KCND2: variants seen among roughly 807,000 people sequenced by gnomAD.
KCND2 encodes potassium voltage-gated channel subfamily D member 2.
A neutral mutation model predicts 54.4 loss-of-function variants in KCND2; 16 were observed. That is an observed-to-expected ratio of 0.29 (90% CI 0.20 to 0.45). The LOEUF (loss-of-function observed/expected upper bound fraction) is 0.45, where lower values mean the gene tolerates loss of function less well. Ranked by LOEUF, KCND2 falls within the 20% of genes least tolerant of loss-of-function variation. KCND2 has a pLI of 1.00. For missense variants in KCND2, 486 were observed against 824.2 expected (o/e 0.59, Z 5.02); for synonymous variants, 317 against 310.7 (o/e 1.02, Z -0.21).
chr7:120,525,180 G>T (rs2116354136), intron 1 of KCND2, among the ~76,000 whole-genome samples: 1 of 152,188 alleles, frequency 6.6e-6, no homozygotes, highest in Admixed American at 6.5e-5. Flanking sequence ...CCAAATGTTT[G>T]TTTGCTATTG....
intron 1 of KCND2, among the ~76,000 whole-genome samples, chr7:120,692,817 T>C (rs529398484): frequency 6.6e-6 from 1 of 152,342 alleles, no homozygotes; most frequent in Non-Finnish European, 1.5e-5. Context: ...CTGCCTCAGC[T>C]CTACTCATTA....
intron 1 of KCND2, among the ~76,000 whole-genome samples, chr7:120,479,774 A>G (rs1282271619): frequency 7.3e-6 from 1 of 136,582 alleles, no homozygotes; most frequent in African/African-American, 2.9e-5. Flanking sequence ...AAATATATAT[A>G]TATATAAACT....
chr7:120,277,273 G>T (rs890014334), intron 1 of KCND2, among the ~76,000 whole-genome samples: 1 of 151,942 alleles, frequency 6.6e-6, no homozygotes, highest in Non-Finnish European at 1.5e-5. Flanking sequence ...TTTTTATCTT[G>T]TTGGCAAATT....
intron 1 of KCND2, among the ~76,000 whole-genome samples, chr7:120,372,753 A>G (rs1318200795): frequency 2.6e-5 from 4 of 151,876 alleles, no homozygotes; most frequent in African/African-American, 7.2e-5. Flanking sequence ...TTGTTTAACT[A>G]TGAACTTCTT....
At chr7:120,740,014 TA>T (rs971302473) in intron 2 of KCND2, among the ~76,000 whole-genome samples, 1 of 152,110 alleles carries the variant, frequency 6.6e-6, no homozygotes, top group Non-Finnish European at 1.5e-5. Flanking sequence ...ATACATTCAT[TA>T]AAAATGAGGT....
chr7:120,443,201 CA>C (rs1253552237), intron 1 of KCND2, among the ~76,000 whole-genome samples: 1 of 151,950 alleles, frequency 6.6e-6, no homozygotes, highest in Non-Finnish European at 1.5e-5. Flanking sequence ...TCCCTCAAGG[CA>C]AAGTTACTGT....
chr7:120,343,247 A>C (rs964263563), intron 1 of KCND2, among the ~76,000 whole-genome samples: 1 of 152,156 alleles, frequency 6.6e-6, no homozygotes, highest in Admixed American at 6.6e-5. Context: ...TGTGCCAAGG[A>C]GAAGAATGCC....
chr7:120,354,189 G>T (rs1006360461), intron 1 of KCND2, among the ~76,000 whole-genome samples: 4 of 151,934 alleles, frequency 2.6e-5, no homozygotes, highest in Non-Finnish European at 5.9e-5. Context: ...TTCAGATGTG[G>T]GCATTTGGCA....
At chr7:120,727,009 T>C (rs1290669153) in intron 1 of KCND2, among the ~76,000 whole-genome samples, 4 of 152,236 alleles carry the variant, frequency 2.6e-5, no homozygotes, top group Middle Eastern at 3.2e-3. Flanking sequence ...ACATGACTTT[T>C]GTTTTATCTT....
At chr7:120,289,460 A>G (rs113728132) in intron 1 of KCND2, among the ~76,000 whole-genome samples, 10 of 152,226 alleles carry the variant, frequency 6.6e-5, no homozygotes, top group African/African-American at 2.2e-4. Flanking sequence ...ACAAACAACA[A>G]TAGAACATGG....
chr7:120,386,120 ACAAAAGT>A (rs753576964), intron 1 of KCND2, among the ~76,000 whole-genome samples: 1 of 152,166 alleles, frequency 6.6e-6, no homozygotes, highest in Non-Finnish European at 1.5e-5. Context: ...GATAGGGCAG[ACAAAAGT>A]CAGAAGCATT....
intron 1 of KCND2, among the ~76,000 whole-genome samples, chr7:120,586,262 A>G (rs945127378): frequency 1.3e-5 from 2 of 152,046 alleles, no homozygotes; most frequent in Non-Finnish European, 2.9e-5. Flanking sequence ...AAGCGCACCC[A>G]TATGTCCTAA....
At chr7:120,681,735 T>C (rs568871242) in intron 1 of KCND2, among the ~76,000 whole-genome samples, 1 of 152,244 alleles carries the variant, frequency 6.6e-6, no homozygotes, top group African/African-American at 2.4e-5. Context: ...ATCCTGCTTA[T>C]CAGCAGAATA....
intron 1 of KCND2, among the ~76,000 whole-genome samples, chr7:120,666,205 T>G (rs551176249): frequency 1.3e-5 from 2 of 152,082 alleles, no homozygotes; most frequent in East Asian, 3.9e-4. Flanking sequence ...AGTATGCCCT[T>G]TTGGGTAGGG....
At chr7:120,604,519 T>C (rs62469907) in intron 1 of KCND2, among the ~76,000 whole-genome samples, 1 of 7,472 alleles carries the variant, frequency 1.3e-4, no homozygotes, top group African/African-American at 3.2e-4. Context: ...ACAATAATAA[T>C]AATAATAATA....
chr7:120,650,886 AC>A, intron 1 of KCND2, among the ~76,000 whole-genome samples: 1 of 143,270 alleles, frequency 7.0e-6, no homozygotes. Context: ...TCCACTCCAG[AC>A]CCTGTTTGCC....
intron 1 of KCND2, among the ~76,000 whole-genome samples, chr7:120,351,435 C>T (rs918867466): frequency 6.7e-6 from 1 of 150,062 alleles, no homozygotes; most frequent in Non-Finnish European, 1.5e-5. Context: ...CTCTCTCTCT[C>T]ACATTGCAAG....
intron 1 of KCND2, among the ~76,000 whole-genome samples, chr7:120,357,078 A>C (rs1391562150): frequency 1.3e-5 from 2 of 152,134 alleles, no homozygotes; most frequent in African/African-American, 2.4e-5. Context: ...CTCTTGTAAT[A>C]CATTCACCCT....
intron 1 of KCND2, among the ~76,000 whole-genome samples, chr7:120,685,659 A>C (rs571613815): frequency 6.6e-6 from 1 of 152,310 alleles, no homozygotes; most frequent in African/African-American, 2.4e-5. Flanking sequence ...AAAAGCAGTT[A>C]AATTTCTACT....
Sources: gnomAD v4.1 joint callset for allele counts (sites outside exome capture counted in the v4.1 genomes callset) on GRCh38, gnomAD v4.1.1 for gene constraint, MANE v1.5 for transcripts, NCBI Gene and HGNC (gene_info 2026-07-23, HGNC 2026-07-21) for gene names.